UPRT: variants seen among roughly 807,000 people sequenced by gnomAD.
The protein encoded by UPRT is RP11-311P8.3.
A neutral mutation model predicts 22.6 loss-of-function variants in UPRT; 5 were observed. The ratio of observed to expected loss-of-function variants is 0.22; its 90% confidence interval spans 0.12 to 0.47. UPRT has a LOEUF of 0.47. Ranked by LOEUF, UPRT falls within the 20% of genes least tolerant of loss-of-function variation. The pLI is 0.99. For synonymous variants in UPRT, 77 were observed against 87.7 expected, an observed-to-expected ratio of 0.88 and a Z score of 0.68; for missense variants, 181 against 239.9, an observed-to-expected ratio of 0.75 and a Z score of 1.62.
At chrX:75,233,517 T>A (rs182369897) in intron 4 of UPRT, among the ~76,000 whole-genome samples, 1,086 of 107,898 alleles carry the variant, frequency 0.01, 13 homozygotes, top group Non-Finnish European at 0.017. Flanking sequence ...AAGGAAAAAA[T>A]GTGAAGGGCA....
At chrX:75,281,396 G>A (rs1259952628) in intron 1 of UPRT, among the ~76,000 whole-genome samples, 1 of 111,583 alleles carries the variant, frequency 9.0e-6, no homozygotes, top group Admixed American at 9.5e-5. Context: ...TGTTGTCTGT[G>A]GGTTTGTCAT....
At chrX:75,250,925 G>A (rs1397351161) in intron 4 of UPRT, among the ~76,000 whole-genome samples, 2 of 111,591 alleles carry the variant, frequency 1.8e-5, no homozygotes, top group South Asian at 3.8e-4. Flanking sequence ...ATCAATAAAC[G>A]TAATCCAGCA....
chrX:75,304,078 G>A lies in UPRT; in HGVS notation c.*567G>A, dbSNP rs2082754262. The A allele has an allele frequency of 8.9e-6, 1 of 112,351 alleles. No homozygotes were observed. The highest frequency in any genetic ancestry group is 1.9e-5 in the Non-Finnish European group (1 of 53,352). 9.3% of individuals were successfully genotyped at this position (112,351 alleles called of 1,213,427 possible). On this transcript the variant is annotated 3_prime_UTR_variant, in exon 7 of 7. Transcript: ENST00000373383. ...GTATGGTTAACTCTCAGGCCATTAT[G>A]TTTTTCATGGCTCATTTCCCAAACT...
intron 4 of UPRT, among the ~76,000 whole-genome samples, chrX:75,174,236 G>A (rs770159288): frequency 8.9e-6 from 1 of 112,059 alleles, no homozygotes; most frequent in South Asian, 3.7e-4. Flanking sequence ...ACCTCCTGCT[G>A]GGTAGGGGCA....
upstream of UPRT, among the ~76,000 whole-genome samples, chrX:75,272,218 C>T (rs1202727464): frequency 1.9e-5 from 2 of 104,606 alleles, no homozygotes; most frequent in Admixed American, 2.1e-4. Context: ...ATTGCAAAAA[C>T]GTGGAACCAA....
chrX:75,248,664 A>G (rs899057925), intron 4 of UPRT, among the ~76,000 whole-genome samples: 2 of 111,985 alleles, frequency 1.8e-5, no homozygotes, highest in African/African-American at 6.5e-5. Flanking sequence ...AACTTCCCCA[A>G]TCTAGCAAAG....
At chrX:75,187,078 A>G (rs1462332829) in intron 4 of UPRT, among the ~76,000 whole-genome samples, 7 of 110,808 alleles carry the variant, frequency 6.3e-5, no homozygotes, top group African/African-American at 2.3e-4. Flanking sequence ...ATGTTAGCTG[A>G]TTATTTTGCT....
chrX:75,229,504 G>A (rs1474431609), intron 4 of UPRT, among the ~76,000 whole-genome samples: 1 of 112,018 alleles, frequency 8.9e-6, no homozygotes, highest in Non-Finnish European at 1.9e-5. Context: ...GAAGCAGCTT[G>A]CCATTGCAAA....
chrX:75,256,284 C>T (rs2082549351), intron 4 of UPRT, among the ~76,000 whole-genome samples: 1 of 111,697 alleles, frequency 9.0e-6, no homozygotes, highest in South Asian at 3.7e-4. Flanking sequence ...AAAATGAAAT[C>T]AAGATGGAAA....
chrX:75,156,406 C>T lies in UPRT; in HGVS notation c.-881C>T, dbSNP rs912327244. On this transcript the variant is annotated 5_prime_UTR_variant, in exon 1 of 14. Coordinates refer to the UPRT transcript ENST00000652605. ...CGGAAATGGATTCTGTTTGAAGATTCGGATGCATTCGCACAGCCTCTTTTA... is the reference window on the plus strand; with the variant it reads ...CGGAAATGGATTCTGTTTGAAGATTTGGATGCATTCGCACAGCCTCTTTTA... 1.1e-4 allele frequency: 78 copies of T among 707,942 alleles called. No individual in the cohort carries two copies. The African/African-American group carries it at 1.4e-3, about 13-fold the overall frequency. The allele number at this position is 707,942 out of a possible 1,213,427, so 58.3% of individuals were successfully genotyped here.
intron 1 of UPRT, among the ~76,000 whole-genome samples, chrX:75,276,116 G>C (rs1235404204): frequency 9.0e-6 from 1 of 111,556 alleles, no homozygotes; most frequent in Non-Finnish European, 1.9e-5. Context: ...CTTTATGTAC[G>C]TTCAGGATAC....
At chrX:75,176,747 A>T (rs2082247972) in intron 4 of UPRT, among the ~76,000 whole-genome samples, 1 of 111,264 alleles carries the variant, frequency 9.0e-6, no homozygotes, top group Non-Finnish European at 1.9e-5. Flanking sequence ...TGTGGGATGT[A>T]AATTGCAAGC....
chrX:75,274,520 A>T lies in UPRT; in HGVS notation c.266A>T (p.Asp89Val), dbSNP rs1206180603. 5.8e-6 allele frequency: 7 copies of T among 1,211,530 alleles called. No homozygotes were observed. Among genetic ancestry groups the T allele is most frequent in the Non-Finnish European group, 7.8e-6 (7 of 895,462 alleles). ...NSGSGDSSSY[D>V]APAGNSFLED... ...GGTAGTGGTGACAGTAGCAGCTATG[A>T]CGCACCAGCTGGCAACTCCTTCCTA... Residue 89 changes from aspartate to valine, a missense_variant, in exon 1 of 7, where the codon GAC becomes GTC. Coordinates refer to ENST00000373383, the MANE Select transcript of UPRT (RefSeq NM_145052.4).
chrX:75,243,088 G>A (rs1332040425), intron 4 of UPRT, among the ~76,000 whole-genome samples: 1 of 110,949 alleles, frequency 9.0e-6, no homozygotes, highest in Non-Finnish European at 1.9e-5. Context: ...TCATCAAAAT[G>A]TGGGAAGCAA....
intron 1 of UPRT, among the ~76,000 whole-genome samples, chrX:75,279,338 G>A (rs2082643898): frequency 9.0e-6 from 1 of 110,971 alleles, no homozygotes; most frequent in African/African-American, 3.3e-5. Context: ...TTTAAAACAT[G>A]GACATATTTT....
intron 4 of UPRT, among the ~76,000 whole-genome samples, chrX:75,260,221 A>G (rs985538958): frequency 5.3e-5 from 6 of 112,344 alleles, no homozygotes; most frequent in Admixed American, 1.9e-4. Flanking sequence ...ACCAGCTAAC[A>G]TCATAATGAC....
At chrX:75,240,210 C>CA (rs1167079269) in intron 4 of UPRT, among the ~76,000 whole-genome samples, 1 of 110,692 alleles carries the variant, frequency 9.0e-6, no homozygotes, top group Non-Finnish European at 1.9e-5. Context: ...AAGACTCACC[C>CA]AAAAAGCTCA....
At chrX:75,221,885 T>C (rs1048507587) in intron 4 of UPRT, among the ~76,000 whole-genome samples, 4 of 111,834 alleles carry the variant, frequency 3.6e-5, no homozygotes, top group African/African-American at 1.3e-4. Flanking sequence ...GGATGTTTGA[T>C]GAACAGTTTC....
At chrX:75,264,611 G>T (rs1227236346) in intron 4 of UPRT, among the ~76,000 whole-genome samples, 3 of 109,830 alleles carry the variant, frequency 2.7e-5, no homozygotes, top group Middle Eastern at 9.8e-3. Flanking sequence ...TTGAGCCTTT[G>T]TGTGTCACTG....
Sources: allele counts gnomAD v4.1 joint callset (sites outside exome capture counted in the v4.1 genomes callset), GRCh38; gene constraint gnomAD v4.1.1; transcripts MANE v1.5; gene names NCBI Gene and HGNC (gene_info 2026-07-23, HGNC 2026-07-21).